CHEK1: variants seen among roughly 807,000 people sequenced by gnomAD.
CHEK1 encodes the protein serine/threonine-protein kinase Chk1.
CHEK1 carries 32 observed loss-of-function variants against 60.2 expected under a neutral mutation model. The ratio of observed to expected loss-of-function variants is 0.53; its 90% CI spans 0.40 to 0.71. The LOEUF (loss-of-function observed/expected upper bound fraction) is 0.71, where lower values mean the gene tolerates loss of function less well. Among genes scored for constraint, CHEK1 ranks in the 30% least tolerant of loss-of-function variants. The probability of loss-of-function intolerance (pLI) is 0.00; values close to 1 mark genes in which losing one functional copy is unlikely to be tolerated. For synonymous variants in CHEK1, 179 were observed against 187.2 expected, an observed-to-expected ratio of 0.96 and a Z score of 0.36; for missense variants, 399 against 564.6, an observed-to-expected ratio of 0.71 and a Z score of 2.97.
downstream of CHEK1, chr11:125,681,036 G>A (rs1408443634): frequency 3.3e-6 from 1 of 304,288 alleles, no homozygotes; most frequent in Admixed American, 5.1e-5. The surrounding 1 kb of genome is among the most constrained non-coding windows in gnomAD (Gnocchi z 4.2). Context: ...GTGCAGGGTA[G>A]TGTGTTGGGG....
At chr11:125,677,312 C>A (rs955671049), downstream of CHEK1, among the ~76,000 whole-genome samples, 11 of 152,216 alleles carry the variant, frequency 7.2e-5, no homozygotes, top group Non-Finnish European at 1.5e-4. Flanking sequence ...GTCCTAGGAA[C>A]TCATTTCTGG....
At chr11:125,648,582 A>C (rs1941593650) in intron 11 of CHEK1, among the ~76,000 whole-genome samples, 1 of 146,742 alleles carries the variant, frequency 6.8e-6, no homozygotes, top group Admixed American at 6.8e-5. Flanking sequence ...ACTCCGTCTC[A>C]AAAAAAAAAA....
At chr11:125,635,149 G>A (rs1176165889) in intron 6 of CHEK1, among the ~76,000 whole-genome samples, 2 of 151,678 alleles carry the variant, frequency 1.3e-5, no homozygotes, top group African/African-American at 4.8e-5. Context: ...TGTAGAGATG[G>A]GGTCTCACTA....
chr11:125,635,602 T>C, intron 7 of CHEK1, 69 bp downstream of exon 7: 1 of 1,013,782 alleles, frequency 9.9e-7, no homozygotes, highest in Non-Finnish European at 1.4e-6. Context: ...ATTTGAATTT[T>C]TTCTTACTTT....
At chr11:125,673,927 G>A (rs749317628) in intron 13 of CHEK1, among the ~76,000 whole-genome samples, 1 of 152,180 alleles carries the variant, frequency 6.6e-6, no homozygotes, top group Non-Finnish European at 1.5e-5. Flanking sequence ...GGGAGGCCGA[G>A]GCAGGTGGAT....
At chr11:125,629,559 TC>T in intron 5 of CHEK1, 99 bp downstream of exon 5, 1 of 869,894 alleles carries the variant, frequency 1.1e-6, no homozygotes, top group Non-Finnish European at 1.7e-6. Context: ...CAAGGCAAAA[TC>T]AAGTCTTTTT....
At chr11:125,650,229 C>T (rs546012800) in intron 11 of CHEK1, among the ~76,000 whole-genome samples, 16 of 151,778 alleles carry the variant, frequency 1.1e-4, no homozygotes, top group Admixed American at 7.2e-4. Flanking sequence ...AGTTCTTAGA[C>T]TCTGTTCATT....
At chr11:125,629,485 C>G (rs1940774749) in intron 5 of CHEK1, 25 bp downstream of exon 5, 1 of 1,482,648 alleles carries the variant, frequency 6.7e-7, no homozygotes, top group Non-Finnish European at 9.3e-7. Context: ...TTATCACTAC[C>G]TAAAATAAAA....
At position 125,648,999 on chromosome 11, in the gene CHEK1, T is replaced by G. The variant is rs1264378872; in HGVS notation, c.1233+4356T>G. 2.0e-5 allele frequency among the ~76,000 whole-genome samples: 3 copies of G among 152,262 alleles called. No individual in the cohort carries two copies. In the East Asian group the frequency reaches 5.8e-4, roughly 29 times the overall value. On this transcript the variant is annotated intron_variant, in intron 11 of 12. Coordinates refer to ENST00000438015, the MANE Select transcript of CHEK1 (RefSeq NM_001114122.3). Reference sequence around the variant, plus strand: ...CCAGCTAACTTTTTAAAAATGTTTTTGTAGAGATGCAGTCTCTGTGTTTAC... The same window carrying G: ...CCAGCTAACTTTTTAAAAATGTTTTGGTAGAGATGCAGTCTCTGTGTTTAC...
chr11:125,636,745 TGAC>T, intron 7 of CHEK1, among the ~76,000 whole-genome samples: 1 of 152,018 alleles, frequency 6.6e-6, no homozygotes, highest in Non-Finnish European at 1.5e-5. Flanking sequence ...GATAACACAT[TGAC>T]CTTTGCACTT....
chr11:125,634,070 T>G (rs1329734860), intron 6 of CHEK1, among the ~76,000 whole-genome samples: 1 of 145,238 alleles, frequency 6.9e-6, no homozygotes, highest in Non-Finnish European at 1.5e-5. Flanking sequence ...TGATCTCAGC[T>G]CACTGCAACC....
At chr11:125,680,981 A>C, downstream of CHEK1, 1 of 521,276 alleles carries the variant, frequency 1.9e-6, no homozygotes. Flanking sequence ...GCCCTTAGCA[A>C]CCCACTGCTT....
At chr11:125,634,636 G>A (rs1240050400) in intron 6 of CHEK1, among the ~76,000 whole-genome samples, 1 of 148,068 alleles carries the variant, frequency 6.8e-6, no homozygotes, top group East Asian at 2.0e-4. Context: ...ATATTGTCCG[G>A]GCACACAAGC....
At chr11:125,677,898 C>T (rs767371275), downstream of CHEK1, 2 of 1,613,964 alleles carry the variant, frequency 1.2e-6, no homozygotes, top group African/African-American at 1.3e-5. Context: ...AGGCTGTTCA[C>T]CGGAGCCATG....
chr11:125,672,638 C>T, intron 13 of CHEK1: 5 of 1,614,128 alleles, frequency 3.1e-6, no homozygotes, highest in Non-Finnish European at 4.2e-6. Context: ...ATATAATTTG[C>T]ATCCTCGTTC....
chr11:125,665,557 T>G (rs567361178), intron 13 of CHEK1, among the ~76,000 whole-genome samples: 2 of 152,248 alleles, frequency 1.3e-5, no homozygotes, highest in South Asian at 4.1e-4. Context: ...AGAATTGATA[T>G]TAGTTGTTCT....
intron 13 of CHEK1, among the ~76,000 whole-genome samples, chr11:125,664,924 T>A (rs1472276018): frequency 6.6e-6 from 1 of 152,222 alleles, no homozygotes; most frequent in Admixed American, 6.5e-5. Flanking sequence ...CATTTAGAAC[T>A]TTAATTCATT....
intron 13 of CHEK1, among the ~76,000 whole-genome samples, chr11:125,673,028 T>C (rs1348221225): frequency 6.6e-6 from 1 of 152,074 alleles, no homozygotes; most frequent in East Asian, 1.9e-4. Context: ...CCTTACAGCC[T>C]TCCCAGAGTC....
rs546519613 is a variant in CHEK1, at chr11:125,676,200, G to A, written c.*300G>A. On this transcript the variant is annotated 3_prime_UTR_variant, in exon 14 of 14. Coordinates refer to the CHEK1 transcript ENST00000428830. ...TGGGATTTTAGGTGTGAGCCACCTC[G>A]CCTGGCAAGGGATTCTGTTCTTAGT... is the stretch of plus-strand genomic sequence containing the variant. The A allele has an allele frequency of 2.5e-4, 233 of 945,416 alleles. 1 individual carries two copies. Among genetic ancestry groups the A allele is most frequent in the Middle Eastern group, 2.1e-3 (9 of 4,256 alleles). The allele number at this position is 945,416 out of a possible 1,614,324, so 58.6% of individuals were successfully genotyped here.
Sources: allele counts gnomAD v4.1 joint callset (sites outside exome capture counted in the v4.1 genomes callset), GRCh38; gene constraint gnomAD v4.1.1; non-coding constraint Gnocchi (gnomAD v3.1); transcripts MANE v1.5; gene names NCBI Gene and HGNC (gene_info 2026-07-23, HGNC 2026-07-21).